The following DPP10 variants were observed in gnomAD, a reference collection of about 807,000 sequenced individuals.
The protein encoded by DPP10 is inactive dipeptidyl peptidase 10.
A neutral mutation model predicts 120.9 loss-of-function variants in DPP10; 33 were observed. The observed-to-expected ratio is 0.27, with a 90% CI of 0.21 to 0.37. DPP10 has a LOEUF of 0.37. DPP10 is among the 10% of genes least tolerant of loss of function. The pLI is 1.00. For synonymous variants in DPP10, 337 were observed against 326.1 expected (o/e 1.03, Z -0.36); for missense variants, 816 against 942.8 (o/e 0.87, Z 1.76).
intron 1 of DPP10, among the ~76,000 whole-genome samples, chr2:114,444,584 A>C (rs1226862224): frequency 7.2e-5 from 11 of 151,816 alleles, no homozygotes; most frequent in Admixed American, 7.2e-4. Context: ...AACAGAAAAA[A>C]AAATGTTTCT....
chr2:115,076,156 T>C (rs183947888), intron 1 of DPP10, among the ~76,000 whole-genome samples: 103 of 152,200 alleles, frequency 6.8e-4, no homozygotes, highest in Admixed American at 2.1e-3. Context: ...TATGGTGAAA[T>C]ATATGTCAGA....
At chr2:115,507,034 G>GCACACA (rs71394148) in intron 4 of DPP10, among the ~76,000 whole-genome samples, 27 of 148,892 alleles carry the variant, frequency 1.8e-4, no homozygotes, top group African/African-American at 4.5e-4. Flanking sequence ...ACACGCACGC[G>GCACACA]CACACACACA....
intron 17 of DPP10, among the ~76,000 whole-genome samples, chr2:115,785,221 G>A (rs1683195696): frequency 6.6e-6 from 1 of 152,176 alleles, no homozygotes; most frequent in African/African-American, 2.4e-5. Flanking sequence ...GTCACCACAG[G>A]TTGGCTGTGA....
intron 5 of DPP10, among the ~76,000 whole-genome samples, chr2:115,680,627 G>A (rs1184096557): frequency 6.6e-6 from 1 of 151,940 alleles, no homozygotes; most frequent in African/African-American, 2.4e-5. Flanking sequence ...AGAAAAAAGT[G>A]TGTGAGAACT....
At position 114,748,342 on chromosome 2, in the gene DPP10, T is replaced by C. The variant is rs906585871; in HGVS notation, c.60+305504T>C. ...ACGTAGGACAAAGGGAATTTTCTTT[T>C]TTTTTTTTATTTTTTTTTATTTTAT... is the stretch of plus-strand genomic sequence containing the variant. On this transcript the variant is annotated intron_variant, in intron 1 of 25. Coordinates refer to ENST00000410059, the MANE Select transcript of DPP10 (RefSeq NM_020868.6). Among the ~76,000 whole-genome samples, 14 of 117,136 alleles carry C rather than the reference T, an allele frequency of 1.2e-4. No homozygotes were observed. In the East Asian group the frequency reaches 1.3e-3, roughly 11 times the overall value. 76.8% of individuals were successfully genotyped at this position (117,136 alleles called of 152,430 possible). A position where few individuals can be genotyped will look rare whatever the true frequency, so the allele number is the denominator to read the frequency against.
chr2:114,571,109 G>C (rs1689608617), intron 1 of DPP10, among the ~76,000 whole-genome samples: 1 of 152,032 alleles, frequency 6.6e-6, no homozygotes, highest in South Asian at 2.1e-4. Context: ...ACTTGATTTT[G>C]TTTGGATTCG....
chr2:115,563,536 G>A (rs2080818797), intron 5 of DPP10, among the ~76,000 whole-genome samples: 1 of 152,156 alleles, frequency 6.6e-6, no homozygotes, highest in Admixed American at 6.6e-5. Flanking sequence ...TGGCTTTTAG[G>A]TAATATAGGG....
At chr2:115,340,369 A>G (rs2063384070) in intron 2 of DPP10, among the ~76,000 whole-genome samples, 1 of 152,146 alleles carries the variant, frequency 6.6e-6, no homozygotes. Context: ...AAGGACTTAT[A>G]TAAAAAATCA....
At chr2:114,523,493 T>C (rs887363633) in intron 1 of DPP10, among the ~76,000 whole-genome samples, 90 of 152,290 alleles carry the variant, frequency 5.9e-4, no homozygotes, top group African/African-American at 2.1e-3. Context: ...TAGCTCTGGT[T>C]GATGTTAGCT....
In DPP10 at chr2:114,564,446, C is replaced by A. The variant is rs573695954; in HGVS notation, c.60+121608C>A. Among the ~76,000 whole-genome samples, 185 of 152,202 alleles carry A rather than the reference C, an allele frequency of 1.2e-3. 1 individual carries two copies. The Middle Eastern group carries it at 0.027, about 22-fold the overall frequency. ...CCATGGTTGTCTGATGGCAAAGCAC[C>A]TACTCTTCCCCCTATTTCATATTGA... is the stretch of plus-strand genomic sequence containing the variant. On this transcript the variant is annotated intron_variant, in intron 1 of 25. Coordinates refer to ENST00000410059, the MANE Select transcript of DPP10 (RefSeq NM_020868.6).
Position 114,755,873 on chromosome 2 carries a change from C to T in DPP10, c.60+313035C>T, listed in dbSNP as rs116277998. 8.5e-3 allele frequency among the ~76,000 whole-genome samples: 1,276 copies of T among 149,870 alleles called. 15 individuals are homozygous for T. The highest frequency in any genetic ancestry group is 0.03 in the African/African-American group (1,225 of 40,660). On this transcript the variant is annotated intron_variant, in intron 1 of 25. Transcript: ENST00000410059. Reference sequence around the variant, plus strand: ...CATATCTTTATTTTTCCTTTTAAGACCAATTGAAGTCAATATTTATTGAGT... The same window carrying T: ...CATATCTTTATTTTTCCTTTTAAGATCAATTGAAGTCAATATTTATTGAGT...
At chr2:115,585,099 T>G (rs1163067022) in intron 5 of DPP10, among the ~76,000 whole-genome samples, 1 of 152,192 alleles carries the variant, frequency 6.6e-6, no homozygotes, top group African/African-American at 2.4e-5. Flanking sequence ...TATGTGGGCC[T>G]GTATGTGACA....
At chr2:115,799,132 A>G (rs1218398572) in intron 19 of DPP10, among the ~76,000 whole-genome samples, 1 of 152,084 alleles carries the variant, frequency 6.6e-6, no homozygotes, top group East Asian at 1.9e-4. Context: ...TTATAAGAAA[A>G]TGTGGCTCTG....
At chr2:115,471,342 C>A (rs1407634738) in intron 3 of DPP10, among the ~76,000 whole-genome samples, 3 of 152,100 alleles carry the variant, frequency 2.0e-5, no homozygotes, top group African/African-American at 7.2e-5. Flanking sequence ...TACTTATTGC[C>A]ATTTCATTTC....
chr2:115,284,175 A>T (rs1486671819), intron 1 of DPP10, among the ~76,000 whole-genome samples: 1 of 152,032 alleles, frequency 6.6e-6, no homozygotes, highest in Non-Finnish European at 1.5e-5. Context: ...GAGAATTCAC[A>T]TTAGTTTACT....
intron 1 of DPP10, among the ~76,000 whole-genome samples, chr2:115,000,385 C>T (rs1333399767): frequency 1.3e-5 from 2 of 151,950 alleles, no homozygotes; most frequent in Admixed American, 1.3e-4. Flanking sequence ...TTTTTCTTTT[C>T]CGGGAGTCAA....
chr2:114,691,144 G>T (rs1294267714), intron 1 of DPP10, among the ~76,000 whole-genome samples: 2 of 152,174 alleles, frequency 1.3e-5, no homozygotes, highest in East Asian at 3.9e-4. Flanking sequence ...CCTTGTACTG[G>T]TTTTTCAGGA....
At chr2:114,670,541 G>T (rs1224410501) in intron 1 of DPP10, among the ~76,000 whole-genome samples, 1 of 151,472 alleles carries the variant, frequency 6.6e-6, no homozygotes, top group Admixed American at 6.6e-5. Flanking sequence ...GGGGTGGGGG[G>T]AGTGGGGAGG....
At chr2:115,345,190 T>C (rs1172173206) in intron 3 of DPP10, among the ~76,000 whole-genome samples, 8 of 152,206 alleles carry the variant, frequency 5.3e-5, no homozygotes, top group Admixed American at 5.2e-4. Flanking sequence ...AAGTGTGTAT[T>C]GTGATGATAT....
Sources: allele counts gnomAD v4.1 joint callset (sites outside exome capture counted in the v4.1 genomes callset), GRCh38; gene constraint gnomAD v4.1.1; transcripts MANE v1.5; gene names NCBI Gene and HGNC (gene_info 2026-07-23, HGNC 2026-07-21).